Variants in LIG1 observed in about 807,000 individuals in gnomAD.
LIG1 encodes ligase I, DNA, ATP-dependent.
LIG1 carries 70 observed loss-of-function variants against 115.7 expected under a neutral mutation model. The observed-to-expected ratio is 0.60, with a 90% CI of 0.50 to 0.74. The LOEUF (loss-of-function observed/expected upper bound fraction) is 0.74. Among genes scored for constraint, LIG1 ranks in the 30% least tolerant of loss-of-function variants. LIG1 has a pLI of 0.00. For missense variants in LIG1, 1,115 were observed against 1,225.6 expected (o/e 0.91, Z 1.35); for synonymous variants, 487 against 495.3 (o/e 0.98, Z 0.22).
At chr19:48,120,031 A>G in intron 24 of LIG1, 2 of 287,828 alleles carry the variant, frequency 6.9e-6, no homozygotes, top group Non-Finnish European at 1.0e-5. Context: ...TGTCCTGACA[A>G]TAGCTCATTT....
rs1320209238 is a variant in LIG1 at position 48,150,067 on chromosome 19, G to C, written c.697+21C>G. 6 of 1,614,002 alleles carry C rather than the reference G, an allele frequency of 3.7e-6. No individual in the cohort carries two copies. The Admixed American group carries it at 5.0e-5, about 13-fold the overall frequency. On this transcript the variant is annotated intron_variant, in intron 8 of 27. Transcript: ENST00000263274. The stretch of plus-strand genomic sequence containing the variant: ...CCTGCCTGTACAACCCCGGGAGGTG[G>C]GGTGAGCAAGGGAAACTCACTGAAG...
At chr19:48,134,162 T>TG in intron 16 of LIG1, 96 bp from the exon 17 acceptor site, 3 of 1,108,198 alleles carry the variant, frequency 2.7e-6, no homozygotes, top group South Asian at 1.4e-5. Flanking sequence ...CCTGGGCTCC[T>TG]GGATGCCTCT....
At chr19:48,121,358 G>A (rs758513134) in intron 23 of LIG1, 36 bp from the exon 24 acceptor site, 4 of 1,553,572 alleles carry the variant, frequency 2.6e-6, no homozygotes, top group South Asian at 1.2e-5. Context: ...AGAAGGGGGA[G>A]CGCCCAAGGC....
At chr19:48,139,600 T>C (rs1045937616) in intron 12 of LIG1, among the ~76,000 whole-genome samples, 2 of 152,044 alleles carry the variant, frequency 1.3e-5, no homozygotes, top group South Asian at 2.1e-4. Flanking sequence ...CCACACACCA[T>C]GTTCTTTCCT....
At chr19:48,117,959 TAGAAAG>T (rs1016826081) in intron 25 of LIG1, 178 bp from the exon 26 acceptor site, 16 of 651,530 alleles carry the variant, frequency 2.5e-5, no homozygotes, top group South Asian at 1.1e-4. Context: ...TAAACAGAAA[TAGAAAG>T]AGAAACAGAA....
At chr19:48,118,588 G>A (rs570980157) in intron 25 of LIG1, 25 of 146,732 alleles carry the variant, frequency 1.7e-4, no homozygotes, top group African/African-American at 6.5e-4. Flanking sequence ...TCCCAGGCTG[G>A]AGTGCAATGG....
chr19:48,131,107 T>C lies in LIG1; in HGVS notation c.1790A>G (p.Lys597Arg). 1 of 1,614,192 alleles carries C rather than the reference T, an allele frequency of 6.2e-7. No individual in the cohort carries two copies. The highest frequency in any genetic ancestry group is 8.5e-7 in the Non-Finnish European group (1 of 1,180,016). Residue 597 changes from lysine (K) to arginine (R), a missense_variant, in exon 19 of 28, where the codon AAG (lysine) becomes AGG (arginine). By Grantham distance (26) the Lys-to-Arg change is conservative. Coordinates refer to ENST00000263274, the MANE Select transcript of LIG1 (RefSeq NM_000234.3). ...FSRNQEDNTGKYPDIISRIPK... is the reference protein window; with the variant it reads ...FSRNQEDNTGRYPDIISRIPK... ...GATGCGGCTGATGATGTCCGGGTACTTCCCAGTGTTGTCTTCCTGATTCCT... is the reference window on the plus strand; with the variant it reads ...GATGCGGCTGATGATGTCCGGGTACCTCCCAGTGTTGTCTTCCTGATTCCT...
chr19:48,121,391 G>A, intron 23 of LIG1, 69 bp from the exon 24 acceptor site: 1 of 1,439,862 alleles, frequency 6.9e-7, no homozygotes. Context: ...GCTGGGGAGG[G>A]GCTCCTCAGT....
Position 48,127,981 on chromosome 19 carries a change from C to T in LIG1, c.1861G>A (p.Glu621Lys). The T allele has an allele frequency of 4.3e-6, 7 of 1,614,100 alleles. No homozygotes were observed. Among genetic ancestry groups the T allele is most frequent in the South Asian group, 1.1e-5 (1 of 91,078 alleles). ...TTTTCCCGGTCCCAAGCCACGGCTT[C>T]GGTGTCCAGGATGAAGGATGTGACC... ...PSVTSFILDT[E>K]AVAWDREKKQ... is the part of the protein sequence containing the mutation. Residue 621 changes from glutamate (E) to lysine (K), a missense_variant, in exon 20 of 28, where the codon GAA becomes AAA. Glu to Lys is a moderately conservative substitution (Grantham distance 56). Transcript: ENST00000263274.
intron 4 of LIG1, among the ~76,000 whole-genome samples, chr19:48,158,270 A>C (rs1297125602): frequency 6.6e-6 from 1 of 152,152 alleles, no homozygotes; most frequent in Non-Finnish European, 1.5e-5. Context: ...ACATCCACTT[A>C]ATGTTGAGTG....
chr19:48,129,625 C>T (rs573624143), intron 19 of LIG1, among the ~76,000 whole-genome samples: 1 of 152,324 alleles, frequency 6.6e-6, no homozygotes, highest in African/African-American at 2.4e-5. Context: ...ATACCACCAA[C>T]AGGAAGCTCT....
intron 6 of LIG1, among the ~76,000 whole-genome samples, chr19:48,151,845 G>C (rs2035498925): frequency 6.6e-6 from 1 of 152,148 alleles, no homozygotes; most frequent in Non-Finnish European, 1.5e-5. Context: ...TAAATGGTGT[G>C]TCTTTCCTTA....
intron 21 of LIG1, among the ~76,000 whole-genome samples, chr19:48,124,480 C>A (rs1282542508): frequency 6.6e-6 from 1 of 152,178 alleles, no homozygotes; most frequent in Non-Finnish European, 1.5e-5. Context: ...AGTGTAGCCG[C>A]CACCAGCCAT....
At chr19:48,119,517 C>T (rs991886478) in intron 24 of LIG1, among the ~76,000 whole-genome samples, 8 of 149,572 alleles carry the variant, frequency 5.3e-5, no homozygotes, top group Non-Finnish European at 1.0e-4. Flanking sequence ...ACTGGCTGTC[C>T]TCACTTCCAG....
At chr19:48,126,727 C>T (rs984632067) in intron 21 of LIG1, among the ~76,000 whole-genome samples, 2 of 151,168 alleles carry the variant, frequency 1.3e-5, no homozygotes, top group African/African-American at 4.9e-5. Flanking sequence ...ATCCAATATG[C>T]TCACCCAAAT....
intron 17 of LIG1, 55 bp from the exon 18 acceptor site, chr19:48,133,152 G>A (rs2034154244): frequency 1.7e-6 from 2 of 1,143,860 alleles, no homozygotes; most frequent in Non-Finnish European, 2.7e-6. Flanking sequence ...ATTAGAGGGG[G>A]AACATGGAGA....
At chr19:48,121,078 A>G (rs543208863) in intron 24 of LIG1, 92 bp downstream of exon 24, 3 of 1,604,086 alleles carry the variant, frequency 1.9e-6, no homozygotes, top group Admixed American at 3.4e-5. Context: ...GGATGTGAGC[A>G]CCCCTCGGTC....
chr19:48,155,615 C>T (rs532462624), intron 5 of LIG1, among the ~76,000 whole-genome samples: 2 of 152,296 alleles, frequency 1.3e-5, no homozygotes, highest in African/African-American at 4.8e-5. Flanking sequence ...CTTAAACTTT[C>T]TTGCAGCCAC....
At position 48,134,003 on chromosome 19, in the gene LIG1, C is replaced by T. The variant is rs768953604; in HGVS notation, c.1587G>A (p.Pro529=). 11 of 1,555,174 alleles carry T rather than the reference C, an allele frequency of 7.1e-6. No homozygotes were observed. The African/African-American group carries it at 9.6e-5, about 14-fold the overall frequency. The change falls in exon 17 of 28, where the codon CCG becomes CCA. Residue 529 remains proline, a synonymous_variant. Transcript: ENST00000263274. The stretch of plus-strand genomic sequence containing the variant: ...TACCTGGGCTCAGCTTGCAGTGCTC[C>T]GGGAGACGTTCCAGGCCGTGCTCCA... ...VLLEHGLERL[P]EHCKLSPGIP...
Sources: allele counts gnomAD v4.1 joint callset (sites outside exome capture counted in the v4.1 genomes callset), GRCh38; gene constraint gnomAD v4.1.1; transcripts MANE v1.5; gene names NCBI Gene and HGNC (gene_info 2026-07-23, HGNC 2026-07-21).